VDAC1: variants seen among roughly 807,000 people sequenced by gnomAD.
The protein encoded by VDAC1 is voltage dependent anion channel 1, also known as non-selective voltage-gated ion channel VDAC1.
In VDAC1, 10 loss-of-function variants were observed where a neutral mutation model predicts 34.7. That is an observed-to-expected ratio of 0.29 (90% confidence interval 0.18 to 0.49). The LOEUF is 0.49. Ranked by LOEUF, VDAC1 falls within the 20% of genes least tolerant of loss-of-function variation. The pLI is 0.99. For synonymous variants in VDAC1, 130 were observed against 136.0 expected (o/e 0.96, Z 0.30); for missense variants, 230 against 347.9 (o/e 0.66, Z 2.69).
At chr5:134,038,184 G>A in the VDAC1 span, among the ~76,000 whole-genome samples, 1 of 152,182 alleles carries the variant, frequency 6.6e-6, no homozygotes, top group Non-Finnish European at 1.5e-5. Flanking sequence ...ATACAAAATG[G>A]GGAGAAGAAT....
chr5:134,089,233 G>A, the VDAC1 span, among the ~76,000 whole-genome samples: 1 of 152,236 alleles, frequency 6.6e-6, no homozygotes, highest in Non-Finnish European at 1.5e-5. Context: ...CCCAGGCTCT[G>A]AGCTGCTCGC....
At chr5:134,075,728 C>T in the VDAC1 span, among the ~76,000 whole-genome samples, 13 of 151,898 alleles carry the variant, frequency 8.6e-5, no homozygotes, top group African/African-American at 3.1e-4. Flanking sequence ...GGGCTACAGG[C>T]GCGTGCCACC....
the VDAC1 span, among the ~76,000 whole-genome samples, chr5:134,108,035 A>G: frequency 1.4e-4 from 22 of 152,340 alleles, no homozygotes; most frequent in African/African-American, 4.8e-4. Context: ...ACAGAGGCCA[A>G]CAGCTCAGGA....
the VDAC1 span, among the ~76,000 whole-genome samples, chr5:134,100,414 A>G: frequency 1.3e-5 from 2 of 152,352 alleles, no homozygotes; most frequent in East Asian, 1.9e-4. Context: ...CCCAGTGCTT[A>G]GCCCCAAGAT....
chr5:134,049,660 A>T, the VDAC1 span, among the ~76,000 whole-genome samples: 1 of 152,006 alleles, frequency 6.6e-6, no homozygotes, highest in Admixed American at 6.6e-5. Flanking sequence ...GCTCACTGCA[A>T]CCTCCATCTC....
chr5:134,025,369 C>A, the VDAC1 span, among the ~76,000 whole-genome samples: 1 of 152,140 alleles, frequency 6.6e-6, no homozygotes, highest in Non-Finnish European at 1.5e-5. Context: ...AGAGGTTCAC[C>A]CCCATGAGTC....
chr5:134,093,355 ATAAG>A, the VDAC1 span, among the ~76,000 whole-genome samples: 21 of 145,906 alleles, frequency 1.4e-4, no homozygotes, highest in South Asian at 3.4e-3. Context: ...ACACACGCAT[ATAAG>A]TGTGTGTGTG....
At chr5:134,005,760 C>T (rs1156774820), upstream of VDAC1, among the ~76,000 whole-genome samples, 3 of 152,214 alleles carry the variant, frequency 2.0e-5, no homozygotes, top group Non-Finnish European at 2.9e-5. Flanking sequence ...TGAGTGTCCC[C>T]TGTGTTACGC....
chr5:134,035,209 C>T, the VDAC1 span, among the ~76,000 whole-genome samples: 33 of 152,172 alleles, frequency 2.2e-4, no homozygotes, highest in East Asian at 6.4e-3. Context: ...TAAGGATGTG[C>T]TAAACAAAGT....
At chr5:133,977,557 C>G (rs778460269) in intron 6 of VDAC1, among the ~76,000 whole-genome samples, 5 of 152,210 alleles carry the variant, frequency 3.3e-5, no homozygotes, top group African/African-American at 4.8e-5. Flanking sequence ...CCTATACAAA[C>G]TCTGCAGTCA....
chr5:133,994,396 T>C (rs73787985), intron 1 of VDAC1, among the ~76,000 whole-genome samples: 2,050 of 152,362 alleles, frequency 0.013, 41 homozygotes, highest in African/African-American at 0.045. Flanking sequence ...AGCTGTTTAC[T>C]CTGTCCTATT....
chr5:134,033,841 A>C, the VDAC1 span, among the ~76,000 whole-genome samples: 1 of 151,922 alleles, frequency 6.6e-6, no homozygotes, highest in African/African-American at 2.4e-5. Flanking sequence ...AAATACAAAA[A>C]ATTAGCCGGG....
the VDAC1 span, among the ~76,000 whole-genome samples, chr5:134,067,817 C>G: frequency 6.5e-3 from 991 of 152,250 alleles, 10 homozygotes; most frequent in African/African-American, 0.023. Context: ...AACAAAAGAA[C>G]CTTAGAATGC....
Position 133,982,436 on chromosome 5 carries a change from C to T in VDAC1, c.324-1480G>A, listed in dbSNP as rs181319336. Among the ~76,000 whole-genome samples, 944 of 150,548 alleles carry T rather than the reference C, an allele frequency of 6.3e-3. 20 individuals carry two copies. The East Asian group carries it at 0.066, about 11-fold the overall frequency. On this transcript the variant is annotated intron_variant, in intron 5 of 8. Transcript: ENST00000265333. The stretch of plus-strand genomic sequence containing the variant: ...CTGAGGCAGGAGAAACGCTTGAACC[C>T]GGGAGGCAGAGGTTGCAGTGAGCCG...
chr5:133,994,252 TAAAAGA>T (rs541772461), intron 1 of VDAC1, among the ~76,000 whole-genome samples: 51 of 152,358 alleles, frequency 3.3e-4, no homozygotes, highest in African/African-American at 1.1e-3. Flanking sequence ...GAGTATGTTG[TAAAAGA>T]AACAGTATAA....
chr5:134,104,126 C>T, the VDAC1 span, among the ~76,000 whole-genome samples: 1 of 152,214 alleles, frequency 6.6e-6, no homozygotes, highest in Non-Finnish European at 1.5e-5. Flanking sequence ...AGGAAACCCC[C>T]GCCCCAACCA....
chr5:134,108,896 T>G, the VDAC1 span, among the ~76,000 whole-genome samples: 3 of 152,148 alleles, frequency 2.0e-5, no homozygotes, highest in Middle Eastern at 3.2e-3. Context: ...CACATCCTCT[T>G]TAATCCCTCT....
chr5:134,042,256 G>T, the VDAC1 span, among the ~76,000 whole-genome samples: 2 of 152,138 alleles, frequency 1.3e-5, no homozygotes, highest in Non-Finnish European at 2.9e-5. Flanking sequence ...GGGCTTGGGG[G>T]GGACCAGGCC....
At chr5:134,111,617 C>T in the VDAC1 span, among the ~76,000 whole-genome samples, 1 of 152,056 alleles carries the variant, frequency 6.6e-6, no homozygotes, top group Non-Finnish European at 1.5e-5. Flanking sequence ...TCTTGGGCCC[C>T]CTATACAGAC....
Sources: allele counts gnomAD v4.1 joint callset (sites outside exome capture counted in the v4.1 genomes callset), GRCh38; gene constraint gnomAD v4.1.1; transcripts MANE v1.5; gene names NCBI Gene and HGNC (gene_info 2026-07-23, HGNC 2026-07-21).